The following GLRA3 variants were observed in gnomAD, a reference collection of about 807,000 sequenced individuals.
GLRA3 encodes the protein glycine receptor subunit alpha-3.
GLRA3 carries 44 observed loss-of-function variants against 60.4 expected under a neutral mutation model. That is an observed-to-expected ratio of 0.73 (90% CI 0.57 to 0.94). The LOEUF (loss-of-function observed/expected upper bound fraction) is 0.94. GLRA3 is among the 40% of genes least tolerant of loss of function. GLRA3 has a pLI of 0.00. For missense variants in GLRA3, 508 were observed against 564.6 expected, an observed-to-expected ratio of 0.90 and a Z score of 1.02; for synonymous variants, 223 against 192.9, an observed-to-expected ratio of 1.16 and a Z score of -1.29.
intron 1 of GLRA3, among the ~76,000 whole-genome samples, chr4:174,816,709 T>C (rs1360039744): frequency 6.6e-6 from 1 of 151,770 alleles, no homozygotes; most frequent in Non-Finnish European, 1.5e-5. Context: ...TCACATACTA[T>C]GCTCTCTGAA....
intron 4 of GLRA3, among the ~76,000 whole-genome samples, chr4:174,723,938 C>A (rs1029768187): frequency 6.6e-6 from 1 of 151,844 alleles, no homozygotes; most frequent in Admixed American, 6.6e-5. Context: ...TTTATTCCTG[C>A]CCAAATTCCA....
intron 2 of GLRA3, among the ~76,000 whole-genome samples, chr4:174,779,692 C>T (rs1034303022): frequency 4.6e-5 from 7 of 151,974 alleles, no homozygotes; most frequent in Non-Finnish European, 7.4e-5. Flanking sequence ...CCGATGCGAT[C>T]AACTGGAAGA....
chr4:174,747,829 T>G (rs1737312958), intron 3 of GLRA3, among the ~76,000 whole-genome samples: 2 of 139,670 alleles, frequency 1.4e-5, no homozygotes, highest in East Asian at 6.0e-4. Flanking sequence ...AACTTACTGA[T>G]TAGACTACTG....
At chr4:174,822,844 T>C (rs994922779) in intron 1 of GLRA3, among the ~76,000 whole-genome samples, 2 of 152,224 alleles carry the variant, frequency 1.3e-5, no homozygotes, top group African/African-American at 4.8e-5. Context: ...AGGTGATTGC[T>C]TCTGTGCATC....
chr4:174,797,002 G>T (rs904901090), intron 1 of GLRA3, among the ~76,000 whole-genome samples: 1 of 152,074 alleles, frequency 6.6e-6, no homozygotes, highest in African/African-American at 2.4e-5. Context: ...AGTCATTTAA[G>T]GGAACTCACA....
At chr4:174,815,545 C>T (rs111479485) in intron 1 of GLRA3, among the ~76,000 whole-genome samples, 8 of 152,222 alleles carry the variant, frequency 5.3e-5, no homozygotes, top group African/African-American at 1.9e-4. Flanking sequence ...CATTTCCATA[C>T]ATCCTCTGAA....
chr4:174,710,484 ATTC>A (rs966006590), intron 5 of GLRA3, among the ~76,000 whole-genome samples: 1 of 152,082 alleles, frequency 6.6e-6, no homozygotes, highest in Non-Finnish European at 1.5e-5. Flanking sequence ...TTTATGCATA[ATTC>A]TTCTTTTTAT....
At chr4:174,660,513 C>T (rs1459785715) in intron 7 of GLRA3, among the ~76,000 whole-genome samples, 1 of 152,148 alleles carries the variant, frequency 6.6e-6, no homozygotes, top group African/African-American at 2.4e-5. Flanking sequence ...AGGAGGCACA[C>T]AATGTTGATC....
chr4:174,736,125 G>T (rs1449461689), intron 3 of GLRA3, among the ~76,000 whole-genome samples: 1 of 152,128 alleles, frequency 6.6e-6, no homozygotes, highest in African/African-American at 2.4e-5. Flanking sequence ...GGATAAGAGT[G>T]TCATAGAATC....
At chr4:174,710,635 T>C (rs1735684928) in intron 5 of GLRA3, among the ~76,000 whole-genome samples, 4 of 152,136 alleles carry the variant, frequency 2.6e-5, no homozygotes, top group Admixed American at 2.0e-4. Flanking sequence ...TTCCTTCTTG[T>C]TTTCAAATAA....
At chr4:174,800,908 T>C (rs566031441) in intron 1 of GLRA3, among the ~76,000 whole-genome samples, 1 of 147,878 alleles carries the variant, frequency 6.8e-6, no homozygotes, top group Non-Finnish European at 1.5e-5. Flanking sequence ...TAATACAGAT[T>C]ACATCTGTTT....
intron 3 of GLRA3, among the ~76,000 whole-genome samples, chr4:174,747,239 GAA>G (rs1737292835): frequency 6.6e-6 from 1 of 152,126 alleles, no homozygotes; most frequent in South Asian, 2.1e-4. Flanking sequence ...GGCAGTGGTG[GAA>G]AGAGTAGTCG....
At chr4:174,813,478 A>G (rs1453541088) in intron 1 of GLRA3, among the ~76,000 whole-genome samples, 1 of 152,162 alleles carries the variant, frequency 6.6e-6, no homozygotes, top group Non-Finnish European at 1.5e-5. Flanking sequence ...TAGCCACACC[A>G]CAGTACCAGA....
intron 9 of GLRA3, among the ~76,000 whole-genome samples, chr4:174,652,790 AT>A (rs755535301): frequency 6.6e-5 from 10 of 152,152 alleles, no homozygotes; most frequent in Non-Finnish European, 1.0e-4. Flanking sequence ...GATACTGTAT[AT>A]TAACACATGT....
chr4:174,690,968 G>T (rs1023670101), intron 5 of GLRA3, among the ~76,000 whole-genome samples: 3 of 152,132 alleles, frequency 2.0e-5, no homozygotes, highest in African/African-American at 7.2e-5. Flanking sequence ...GAATAGTGCT[G>T]CTGTAAACAT....
At chr4:174,814,381 C>T (rs1197980969) in intron 1 of GLRA3, among the ~76,000 whole-genome samples, 3 of 152,162 alleles carry the variant, frequency 2.0e-5, no homozygotes, top group Non-Finnish European at 4.4e-5. Flanking sequence ...GCGAAATTTT[C>T]TTCAAAGTTC....
At chr4:174,737,986 G>A (rs987617152) in intron 3 of GLRA3, among the ~76,000 whole-genome samples, 4 of 152,100 alleles carry the variant, frequency 2.6e-5, no homozygotes, top group Admixed American at 2.6e-4. Flanking sequence ...CACTTTGGAA[G>A]AATTTTAGTT....
intron 1 of GLRA3, among the ~76,000 whole-genome samples, chr4:174,802,636 C>T (rs191906446): frequency 4.6e-5 from 7 of 152,114 alleles, no homozygotes; most frequent in Non-Finnish European, 5.9e-5. Context: ...TGGCAATACT[C>T]GTTGTCTCAG....
At chr4:174,821,942 C>CA (rs1298455375) in intron 1 of GLRA3, among the ~76,000 whole-genome samples, 1 of 152,038 alleles carries the variant, frequency 6.6e-6, no homozygotes, top group African/African-American at 2.4e-5. Context: ...AAAGATGTGA[C>CA]AGACAGGCAG....
Sources: allele counts gnomAD v4.1 joint callset (sites outside exome capture counted in the v4.1 genomes callset), GRCh38; gene constraint gnomAD v4.1.1; transcripts MANE v1.5; gene names NCBI Gene and HGNC (gene_info 2026-07-23, HGNC 2026-07-21).